Variants in TG observed in about 807,000 individuals in gnomAD.
TG encodes the protein thyroid hormones.
A neutral mutation model predicts 324.7 loss-of-function variants in TG; 270 were observed. The ratio of observed to expected loss-of-function variants is 0.83; its 90% CI spans 0.75 to 0.92. The LOEUF (loss-of-function observed/expected upper bound fraction) is 0.92. TG is among the 40% of genes least tolerant of loss of function. TG has a pLI of 0.00. For synonymous variants in TG, 1,401 were observed against 1,327.0 expected, an observed-to-expected ratio of 1.06 and a Z score of -1.21; for missense variants, 3,591 against 3,456.4, an observed-to-expected ratio of 1.04 and a Z score of -0.98.
At chr8:133,060,476 G>GA in intron 41 of TG, 14 of 1,005,316 alleles carry the variant, frequency 1.4e-5, no homozygotes, top group Non-Finnish European at 1.8e-5. Context: ...CCTTGCTGAG[G>GA]ATGGTAAGCA....
At chr8:132,981,886 G>C (rs1830903493) in intron 34 of TG, among the ~76,000 whole-genome samples, 1 of 152,200 alleles carries the variant, frequency 6.6e-6, no homozygotes, top group Non-Finnish European at 1.5e-5. Flanking sequence ...AATGCAAAGA[G>C]GCTGGGGCTT....
At chr8:133,003,403 G>T (rs921938810) in intron 35 of TG, 3 of 149,998 alleles carry the variant, frequency 2.0e-5, no homozygotes, top group Admixed American at 2.0e-4. Flanking sequence ...CCATCCCTCG[G>T]ATACTTATTT....
intron 41 of TG, among the ~76,000 whole-genome samples, chr8:133,088,940 G>A (rs1248823815): frequency 6.6e-6 from 1 of 152,188 alleles, no homozygotes; most frequent in Admixed American, 6.5e-5. Flanking sequence ...AAACTTGGAT[G>A]TTTAAAAAAA....
chr8:132,978,129 C>T (rs1830400440), intron 34 of TG, among the ~76,000 whole-genome samples: 2 of 152,200 alleles, frequency 1.3e-5, no homozygotes, highest in South Asian at 2.1e-4. Context: ...AAGCATGGCA[C>T]CAGCATCTGC....
At chr8:133,131,085 G>A (rs931673764) in intron 45 of TG, among the ~76,000 whole-genome samples, 1 of 152,122 alleles carries the variant, frequency 6.6e-6, no homozygotes, top group East Asian at 1.9e-4. Flanking sequence ...CCTCTCTTTG[G>A]GCAAAGCCCG....
At chr8:133,039,412 C>T (rs1021450198) in intron 41 of TG, among the ~76,000 whole-genome samples, 6 of 152,112 alleles carry the variant, frequency 3.9e-5, no homozygotes, top group Admixed American at 2.0e-4. Context: ...CTTCATGTCT[C>T]GCATAATTTT....
chr8:133,095,824 C>T lies in TG; in HGVS notation c.7405-382C>T, dbSNP rs148068021. 3.7e-3 allele frequency among the ~76,000 whole-genome samples: 569 copies of T among 152,280 alleles called. 4 individuals carry two copies. The highest frequency in any genetic ancestry group is 5.0e-3 in the Non-Finnish European group (337 of 68,012). On this transcript the variant is annotated intron_variant, in intron 42 of 47. Coordinates refer to ENST00000220616, the MANE Select transcript of TG (RefSeq NM_003235.5). Reference sequence around the variant, plus strand: ...ATTGGAGCAGGTCTTATTCTCAGCTCCCCTAAGTGCAGGCTAATTTGATCA... The same window carrying T: ...ATTGGAGCAGGTCTTATTCTCAGCTTCCCTAAGTGCAGGCTAATTTGATCA...
intron 26 of TG, among the ~76,000 whole-genome samples, chr8:132,941,936 A>G (rs909359): frequency 0.54 from 82,688 of 152,042 alleles, 23,271 homozygotes; most frequent in Non-Finnish European, 0.61. Flanking sequence ...TTGTGAAGCC[A>G]GGACTGGACA....
intron 43 of TG, among the ~76,000 whole-genome samples, chr8:133,100,335 G>A: frequency 6.6e-6 from 1 of 152,018 alleles, no homozygotes; most frequent in Admixed American, 6.5e-5. Flanking sequence ...CCCTACCCCA[G>A]CACTCAAACC....
At chr8:133,126,855 TC>T (rs1446793500) in intron 45 of TG, among the ~76,000 whole-genome samples, 4 of 151,858 alleles carry the variant, frequency 2.6e-5, no homozygotes, top group African/African-American at 9.7e-5. Context: ...CTTTCATTCC[TC>T]CCCGTTCCCT....
chr8:132,985,752 C>T (rs1831443608), intron 35 of TG, among the ~76,000 whole-genome samples: 1 of 152,124 alleles, frequency 6.6e-6, no homozygotes, highest in African/African-American at 2.4e-5. Context: ...GTGGGTGCTT[C>T]CTTCTGTAGG....
intron 15 of TG, among the ~76,000 whole-genome samples, chr8:132,900,597 T>TCC (rs1269332811): frequency 6.6e-6 from 1 of 152,196 alleles, no homozygotes; most frequent in Non-Finnish European, 1.5e-5. Context: ...CCAGCATTGA[T>TCC]CCCCATCAAA....
chr8:132,919,450 G>T lies in TG; in HGVS notation c.4453G>T (p.Ala1485Ser), dbSNP rs756976077. 3 of 1,614,144 alleles carry T rather than the reference G, an allele frequency of 1.9e-6. No homozygotes were observed. The highest frequency in any genetic ancestry group is 2.2e-5 in the East Asian group (1 of 44,888). ...PCPVGFYQEQ[A>S]GSLACVPCPV... is the part of the protein sequence containing the mutation. ...TCCTGTTGGATTCTACCAAGAACAG[G>T]CAGGGAGCTTGGCCTGTGTCCCATG... is the stretch of plus-strand genomic sequence containing the variant. The change falls in exon 21 of 48, where the codon GCA becomes TCA. Residue 1485 changes from alanine to serine, a missense_variant. By Grantham distance (99) the Ala-to-Ser change is moderately conservative. Coordinates refer to ENST00000220616, the MANE Select transcript of TG (RefSeq NM_003235.5).
At chr8:133,132,529 C>T (rs1383996451) in intron 46 of TG, among the ~76,000 whole-genome samples, 1 of 152,218 alleles carries the variant, frequency 6.6e-6, no homozygotes, top group East Asian at 1.9e-4. Context: ...CTGTCCCCAC[C>T]TGCAGAATTG....
At chr8:133,053,888 C>T (rs1169904189) in intron 41 of TG, among the ~76,000 whole-genome samples, 1 of 152,186 alleles carries the variant, frequency 6.6e-6, no homozygotes, top group African/African-American at 2.4e-5. Context: ...GGAAACTTTA[C>T]ATCTGGGCTT....
chr8:133,069,667 A>G (rs1240234293), intron 41 of TG, among the ~76,000 whole-genome samples: 3 of 152,146 alleles, frequency 2.0e-5, no homozygotes, highest in Non-Finnish European at 4.4e-5. Flanking sequence ...GCTGGGGCTC[A>G]GTAGATGCTC....
intron 5 of TG, among the ~76,000 whole-genome samples, chr8:132,881,618 C>T (rs139200243): frequency 1.6e-4 from 25 of 152,242 alleles, no homozygotes; most frequent in East Asian, 7.7e-4. Flanking sequence ...GTGAGGAAAA[C>T]GGCTAATTGT....
chr8:132,971,719 T>C (rs2130538599), intron 32 of TG, 75 bp from the exon 33 acceptor site: 3 of 1,034,876 alleles, frequency 2.9e-6, no homozygotes, highest in Non-Finnish European at 4.6e-6. Context: ...CAAGAATGAC[T>C]ACCATCAGCC....
At position 132,908,323 on chromosome 8, in the gene TG, G is replaced by A. The variant is rs192226069; in HGVS notation, c.3985G>A (p.Gly1329Ser). ...VFILDELTAR[G>S]FCQIQVKTFG... The stretch of plus-strand genomic sequence containing the variant: ...CATATTGGATGAGCTGACAGCCCGC[G>A]GCTTCTGCCAGATCCAGGTACATGC... The change falls in exon 18 of 48, where the codon GGC (glycine) becomes AGC (serine). Residue 1329 changes from glycine (G) to serine (S), a missense_variant. Gly to Ser is a moderately conservative substitution (Grantham distance 56). Transcript: ENST00000220616. 324 of 1,569,802 alleles carry A rather than the reference G, an allele frequency of 2.1e-4. No individual in the cohort carries two copies. Among genetic ancestry groups the A allele is most frequent in the Middle Eastern group, 6.7e-4 (4 of 5,960 alleles).
Sources: gnomAD v4.1 joint callset for allele counts (sites outside exome capture counted in the v4.1 genomes callset) on GRCh38, gnomAD v4.1.1 for gene constraint, MANE v1.5 for transcripts, NCBI Gene and HGNC (gene_info 2026-07-23, HGNC 2026-07-21) for gene names.